Variants in PDE4D observed in about 807,000 individuals in gnomAD.
PDE4D encodes phosphodiesterase 4D.
PDE4D carries 24 observed loss-of-function variants against 87.4 expected under a neutral mutation model. The ratio of observed to expected loss-of-function variants is 0.27; its 90% CI spans 0.20 to 0.39. The LOEUF is 0.39. Among genes scored for constraint, PDE4D ranks in the 10% least tolerant of loss-of-function variants. The pLI is 1.00. For synonymous variants in PDE4D, 384 were observed against 383.2 expected (o/e 1.00, Z -0.02); for missense variants, 714 against 1,041.0 (o/e 0.69, Z 4.32).
intron 5 of PDE4D, among the ~76,000 whole-genome samples, chr5:59,085,595 A>C (rs1298280867): frequency 6.6e-6 from 1 of 152,174 alleles, no homozygotes; most frequent in Non-Finnish European, 1.5e-5. Context: ...TAAATTATGA[A>C]TTCATATAAA....
intron 6 of PDE4D, among the ~76,000 whole-genome samples, chr5:59,000,412 A>T (rs927933213): frequency 6.6e-6 from 1 of 152,326 alleles, no homozygotes; most frequent in East Asian, 1.9e-4. Context: ...CTCATCCAAC[A>T]TAAAAGCATA....
intron 3 of PDE4D, among the ~76,000 whole-genome samples, chr5:59,942,542 A>C (rs1581838567): frequency 6.6e-6 from 1 of 152,110 alleles, no homozygotes; most frequent in Non-Finnish European, 1.5e-5. Flanking sequence ...ATTCCAGGAG[A>C]CCCAGGCTTC....
chr5:59,260,358 G>A (rs1761770615), intron 1 of PDE4D, among the ~76,000 whole-genome samples: 1 of 151,840 alleles, frequency 6.6e-6, no homozygotes, highest in Admixed American at 6.6e-5. Flanking sequence ...ACTGAGTGAA[G>A]ATGAAATGCC....
chr5:60,146,842 A>G (rs1390978380), intron 2 of PDE4D, among the ~76,000 whole-genome samples: 1 of 152,234 alleles, frequency 6.6e-6, no homozygotes, highest in Admixed American at 6.5e-5. Context: ...CTTAAAAGAC[A>G]TACAAATGGC....
At chr5:59,751,122 T>C (rs1760393120) in intron 1 of PDE4D, among the ~76,000 whole-genome samples, 1 of 152,112 alleles carries the variant, frequency 6.6e-6, no homozygotes, top group East Asian at 1.9e-4. Context: ...GAGCTAGTGA[T>C]AAAATAGAGA....
intron 1 of PDE4D, among the ~76,000 whole-genome samples, chr5:59,333,253 G>T (rs1777058824): frequency 1.3e-5 from 2 of 152,094 alleles, no homozygotes; most frequent in South Asian, 4.1e-4. Context: ...CCACTAAGGG[G>T]ATCTCTGTTA....
chr5:60,444,384 G>A (rs1394923745), intron 1 of PDE4D, among the ~76,000 whole-genome samples: 2 of 152,154 alleles, frequency 1.3e-5, no homozygotes, highest in Non-Finnish European at 2.9e-5. Context: ...GAGTGCCTAT[G>A]CTATGCCAGG....
intron 1 of PDE4D, among the ~76,000 whole-genome samples, chr5:59,660,552 G>A (rs1745072173): frequency 6.6e-6 from 1 of 152,056 alleles, no homozygotes; most frequent in African/African-American, 2.4e-5. Flanking sequence ...TAGGGTAACT[G>A]AATGTGGTTG....
intron 1 of PDE4D, among the ~76,000 whole-genome samples, chr5:59,588,274 A>G (rs1825477305): frequency 6.6e-6 from 1 of 152,152 alleles, no homozygotes; most frequent in African/African-American, 2.4e-5. Flanking sequence ...AATTCTGTTC[A>G]ATAATCCCCC....
chr5:59,795,654 G>C (rs753009486), intron 1 of PDE4D, among the ~76,000 whole-genome samples: 4 of 151,988 alleles, frequency 2.6e-5, no homozygotes, highest in African/African-American at 4.8e-5. Context: ...AACTTGCCTC[G>C]GACCACACTG....
intron 1 of PDE4D, among the ~76,000 whole-genome samples, chr5:59,364,283 T>G (rs1782693975): frequency 1.3e-5 from 2 of 152,234 alleles, no homozygotes; most frequent in Non-Finnish European, 2.9e-5. Context: ...TCAGTGGAGT[T>G]AAGTGACCTT....
chr5:59,617,777 G>A (rs796902680), intron 1 of PDE4D, among the ~76,000 whole-genome samples: 2 of 152,282 alleles, frequency 1.3e-5, no homozygotes, highest in African/African-American at 4.8e-5. Flanking sequence ...CCATAACTGT[G>A]AGACAACACA....
chr5:59,055,223 C>G lies in PDE4D; in HGVS notation c.809-16252G>C, dbSNP rs577161616. 3.9e-5 allele frequency among the ~76,000 whole-genome samples: 6 copies of G among 152,260 alleles called. No individual in the cohort carries two copies. The East Asian group carries it at 1.2e-3, about 29-fold the overall frequency. On this transcript the variant is annotated intron_variant, in intron 5 of 14. Transcript: ENST00000340635. ...TGGCAAATGAACAGGAGAAGGACACCTTTCCGTTTGGCCCTCATTTTCCTA... is the reference window on the plus strand; with the variant it reads ...TGGCAAATGAACAGGAGAAGGACACGTTTCCGTTTGGCCCTCATTTTCCTA...
intron 5 of PDE4D, among the ~76,000 whole-genome samples, chr5:59,101,133 C>G (rs887120842): frequency 4.6e-5 from 7 of 152,164 alleles, no homozygotes; most frequent in Admixed American, 2.6e-4. Context: ...ATCTAAGATG[C>G]TCTTCTTGAG....
intron 3 of PDE4D, among the ~76,000 whole-genome samples, chr5:59,925,184 A>AAAAAAAAAT (rs1755119018): frequency 6.6e-6 from 1 of 150,884 alleles, no homozygotes; most frequent in Non-Finnish European, 1.5e-5. Flanking sequence ...CAAAAAAAAA[A>AAAAAAAAAT]GAAACAATGA....
chr5:59,120,666 TAA>T (rs11349022), intron 5 of PDE4D, among the ~76,000 whole-genome samples: 1 of 149,396 alleles, frequency 6.7e-6, no homozygotes, highest in Non-Finnish European at 1.5e-5. Flanking sequence ...TTCACAGAAA[TAA>T]AAAAAAACTT....
chr5:60,437,411 A>G (rs1007303668), intron 1 of PDE4D, among the ~76,000 whole-genome samples: 11 of 152,178 alleles, frequency 7.2e-5, no homozygotes, highest in Non-Finnish European at 1.0e-4. Flanking sequence ...TGCCTTATAC[A>G]AAGTATTAAA....
intron 3 of PDE4D, among the ~76,000 whole-genome samples, chr5:59,961,902 C>T (rs1759514047): frequency 6.6e-6 from 1 of 152,030 alleles, no homozygotes; most frequent in African/African-American, 2.4e-5. Flanking sequence ...GTTTATTTAG[C>T]CAGATGCTTT....
chr5:60,505,491 T>C (rs1249597938), intron 1 of PDE4D, among the ~76,000 whole-genome samples: 2 of 152,168 alleles, frequency 1.3e-5, no homozygotes, highest in African/African-American at 4.8e-5. Context: ...TTCTCCACTG[T>C]GAAACACTGA....
Sources: allele counts gnomAD v4.1 joint callset (sites outside exome capture counted in the v4.1 genomes callset), GRCh38; gene constraint gnomAD v4.1.1; transcripts MANE v1.5; gene names NCBI Gene and HGNC (gene_info 2026-07-23, HGNC 2026-07-21).